The following SPPL3 variants were observed in gnomAD, a reference collection of about 807,000 sequenced individuals.
The protein encoded by SPPL3 is signal peptide peptidase-like 3.
In SPPL3, 5 loss-of-function variants were observed where a neutral mutation model predicts 42.4. The ratio of observed to expected loss-of-function variants is 0.12; its 90% CI spans 0.06 to 0.25. The LOEUF (loss-of-function observed/expected upper bound fraction) is 0.25. Among genes scored for constraint, SPPL3 ranks in the 10% least tolerant of loss-of-function variants. SPPL3 has a pLI of 1.00. For synonymous variants in SPPL3, 195 were observed against 181.8 expected (o/e 1.07, Z -0.58); for missense variants, 235 against 489.0 (o/e 0.48, Z 4.90).
At chr12:120,875,993 T>C (rs575088103) in intron 1 of SPPL3, among the ~76,000 whole-genome samples, 20 of 148,642 alleles carry the variant, frequency 1.3e-4, no homozygotes, top group African/African-American at 4.8e-4. Flanking sequence ...TACAAAATGA[T>C]TAGTGATTGG....
intron 2 of SPPL3, among the ~76,000 whole-genome samples, chr12:120,806,261 G>A (rs548830709): frequency 6.7e-5 from 10 of 149,018 alleles, no homozygotes; most frequent in South Asian, 2.2e-4. Context: ...GCAGTGGCGC[G>A]ATCATAGTTC....
At chr12:120,804,849 C>T (rs967986830) in intron 2 of SPPL3, among the ~76,000 whole-genome samples, 1 of 152,196 alleles carries the variant, frequency 6.6e-6, no homozygotes, top group Middle Eastern at 3.4e-3. Flanking sequence ...ACAACCCAAA[C>T]GTCTATCAGC....
intron 2 of SPPL3, among the ~76,000 whole-genome samples, chr12:120,805,896 C>T (rs11065271): frequency 0.085 from 12,942 of 151,700 alleles, 787 homozygotes; most frequent in East Asian, 0.3. Context: ...TCTAAATAAA[C>T]GGAGACACAT....
At chr12:120,860,913 A>T (rs1047255558) in intron 1 of SPPL3, among the ~76,000 whole-genome samples, 2 of 152,202 alleles carry the variant, frequency 1.3e-5, no homozygotes, top group African/African-American at 4.8e-5. Flanking sequence ...TGGATGCTCC[A>T]GTCCCTTATA....
At chr12:120,799,520 A>G (rs913382825) in intron 2 of SPPL3, among the ~76,000 whole-genome samples, 1 of 152,188 alleles carries the variant, frequency 6.6e-6, no homozygotes, top group Non-Finnish European at 1.5e-5. Flanking sequence ...CTAACTGACA[A>G]GAACTGCAGC....
At chr12:120,880,164 G>GA (rs1040281411) in intron 1 of SPPL3, among the ~76,000 whole-genome samples, 4 of 151,568 alleles carry the variant, frequency 2.6e-5, no homozygotes, top group Non-Finnish European at 4.4e-5. Context: ...ATTATTGAGT[G>GA]AAAAAAGCCA....
intron 1 of SPPL3, among the ~76,000 whole-genome samples, chr12:120,859,172 G>C (rs1322481835): frequency 6.6e-6 from 1 of 151,662 alleles, no homozygotes; most frequent in Non-Finnish European, 1.5e-5. Context: ...CTCTTTTTTG[G>C]GGTGGGGGGC....
chr12:120,877,186 G>A (rs1873131498), intron 1 of SPPL3, among the ~76,000 whole-genome samples: 5 of 151,980 alleles, frequency 3.3e-5, no homozygotes, highest in Admixed American at 3.3e-4. Context: ...TCAATATATA[G>A]CCTAAACAGG....
chr12:120,774,104 C>T (rs1213584951), intron 6 of SPPL3, among the ~76,000 whole-genome samples: 2 of 152,210 alleles, frequency 1.3e-5, no homozygotes, highest in Admixed American at 6.5e-5. Context: ...CAGTGTCATT[C>T]TATCCTAACC....
intron 2 of SPPL3, among the ~76,000 whole-genome samples, chr12:120,807,566 C>A (rs932928392): frequency 1.3e-5 from 2 of 151,332 alleles, no homozygotes; most frequent in African/African-American, 4.9e-5. Context: ...CCCAACTACT[C>A]GGGAGGCTGA....
chr12:120,891,616 A>G (rs543564772), intron 1 of SPPL3, among the ~76,000 whole-genome samples: 1 of 152,270 alleles, frequency 6.6e-6, no homozygotes, highest in Non-Finnish European at 1.5e-5. Flanking sequence ...GAGAAATATT[A>G]CATTGTTCAA....
chr12:120,847,305 T>G (rs1429469840), intron 1 of SPPL3, among the ~76,000 whole-genome samples: 1 of 151,946 alleles, frequency 6.6e-6, no homozygotes, highest in Non-Finnish European at 1.5e-5. Flanking sequence ...TATTTATTTA[T>G]TTTTTAAGAC....
intron 1 of SPPL3, among the ~76,000 whole-genome samples, chr12:120,893,358 G>A (rs886188431): frequency 7.2e-5 from 11 of 152,212 alleles, no homozygotes; most frequent in African/African-American, 2.6e-4. Context: ...GCTGAGGCAG[G>A]AGAATGGCGT....
At chr12:120,817,178 C>T (rs1870911758) in intron 1 of SPPL3, among the ~76,000 whole-genome samples, 1 of 151,374 alleles carries the variant, frequency 6.6e-6, no homozygotes. Flanking sequence ...GCCTGTAGTT[C>T]CAGCTACTTG....
At chr12:120,876,490 A>C (rs1873091828) in intron 1 of SPPL3, among the ~76,000 whole-genome samples, 1 of 151,074 alleles carries the variant, frequency 6.6e-6, no homozygotes, top group South Asian at 2.1e-4. Flanking sequence ...GGTGGCGGGC[A>C]CCTGTAGTCC....
At chr12:120,898,963 A>G (rs1542859) in intron 1 of SPPL3, among the ~76,000 whole-genome samples, 60,173 of 152,104 alleles carry the variant, frequency 0.4, 14,033 homozygotes, top group Middle Eastern at 0.56. Context: ...CCAGTTATAT[A>G]TAAGTACCAC....
At chr12:120,883,970 G>T (rs746236064) in intron 1 of SPPL3, among the ~76,000 whole-genome samples, 1 of 151,906 alleles carries the variant, frequency 6.6e-6, no homozygotes, top group Admixed American at 6.6e-5. Context: ...GCGTGGTGGC[G>T]CATGCCTCTA....
At chr12:120,792,483 C>G (rs955665490) in intron 2 of SPPL3, among the ~76,000 whole-genome samples, 1 of 151,948 alleles carries the variant, frequency 6.6e-6, no homozygotes, top group South Asian at 2.1e-4. Context: ...GGGCAGATCA[C>G]GAGGTCAGAA....
At position 120,766,135 on chromosome 12, in the gene SPPL3, C is replaced by CACACAA. The variant is rs1555246368; in HGVS notation, c.1083+127_1083+128insTTGTGT. The CACACAA allele has an allele frequency of 5.2e-5, 34 of 656,690 alleles. No individual in the cohort carries two copies. In the East Asian group the frequency reaches 7.1e-4, roughly 14 times the overall value. 40.7% of individuals were successfully genotyped at this position (656,690 alleles called of 1,614,324 possible). A position where few individuals can be genotyped will look rare whatever the true frequency, so the allele number is the denominator to read the frequency against. On this transcript the variant is annotated intron_variant, in intron 10 of 10. Transcript: ENST00000353487. ...ACACACACACACACACACACACACA[C>CACACAA]ACACACAGTCGAGATCACAAGCTCA...
Sources: allele counts gnomAD v4.1 joint callset (sites outside exome capture counted in the v4.1 genomes callset), GRCh38; gene constraint gnomAD v4.1.1; transcripts MANE v1.5; gene names NCBI Gene and HGNC (gene_info 2026-07-23, HGNC 2026-07-21).